The following COL14A1 variants were observed in gnomAD, a reference collection of about 807,000 sequenced individuals.
COL14A1 encodes collagen alpha-1(XIV) chain.
A neutral mutation model predicts 230.3 loss-of-function variants in COL14A1; 136 were observed. The ratio of observed to expected loss-of-function variants is 0.59; its 90% CI spans 0.51 to 0.68. The LOEUF is 0.68. COL14A1 is among the 30% of genes least tolerant of loss of function. The probability of loss-of-function intolerance (pLI) is 0.00; values close to 1 mark genes in which losing one functional copy is unlikely to be tolerated. For synonymous variants in COL14A1, 792 were observed against 784.1 expected (o/e 1.01, Z -0.17); for missense variants, 1,976 against 2,215.8 (o/e 0.89, Z 2.17).
At chr8:120,190,269 T>C (rs1277377076) in intron 5 of COL14A1, among the ~76,000 whole-genome samples, 1 of 152,228 alleles carries the variant, frequency 6.6e-6, no homozygotes, top group Non-Finnish European at 1.5e-5. Flanking sequence ...GGTTTTTGGC[T>C]GCATAAATGT....
intron 40 of COL14A1, among the ~76,000 whole-genome samples, chr8:120,326,689 T>C (rs1410890711): frequency 6.6e-6 from 1 of 152,160 alleles, no homozygotes; most frequent in Non-Finnish European, 1.5e-5. Context: ...AAAATTTTCA[T>C]TTGAGATAAA....
At chr8:120,219,383 A>T (rs1468789762) in intron 14 of COL14A1, among the ~76,000 whole-genome samples, 1 of 152,158 alleles carries the variant, frequency 6.6e-6, no homozygotes, top group Non-Finnish European at 1.5e-5. Flanking sequence ...GAATTATAGG[A>T]GTGAGGCACT....
intron 12 of COL14A1, among the ~76,000 whole-genome samples, chr8:120,212,192 C>A (rs1817632444): frequency 6.6e-6 from 1 of 152,164 alleles, no homozygotes. Flanking sequence ...GCTGGAGTTG[C>A]CATTTGTCCA....
Position 120,263,017 on chromosome 8 carries a change from A to G in COL14A1, c.3016+3A>G, listed in dbSNP as rs1819388719. 1.2e-6 allele frequency: 2 copies of G among 1,602,554 alleles called. No homozygotes were observed. The highest frequency in any genetic ancestry group is 1.7e-6 in the Non-Finnish European group (2 of 1,176,046). Reference sequence around the variant, plus strand: ...TGTGAGCATAATGGAAAAAACACGTAAGTCATGTGTGTTCTCTCCTGATCC... The same window carrying G: ...TGTGAGCATAATGGAAAAAACACGTGAGTCATGTGTGTTCTCTCCTGATCC... On this transcript the variant is annotated splice_donor_region_variant and intron_variant, in intron 24 of 47. Coordinates refer to ENST00000297848, the MANE Select transcript of COL14A1 (RefSeq NM_021110.4).
At chr8:120,228,854 AC>A (rs1818172209) in intron 18 of COL14A1, 85 bp downstream of exon 18, 4 of 1,211,516 alleles carry the variant, frequency 3.3e-6, no homozygotes, top group Middle Eastern at 2.2e-4. Context: ...TTTATTATTA[AC>A]TAGGAAAAGA....
At chr8:120,182,716 A>G in intron 5 of COL14A1, among the ~76,000 whole-genome samples, 1 of 127,822 alleles carries the variant, frequency 7.8e-6, no homozygotes, top group East Asian at 2.2e-4. Context: ...AATTTTTTTT[A>G]TTTTTCTTCG....
intron 14 of COL14A1, among the ~76,000 whole-genome samples, chr8:120,221,992 A>C (rs1166993696): frequency 9.6e-6 from 1 of 104,052 alleles, no homozygotes; most frequent in Non-Finnish European, 1.9e-5. Flanking sequence ...ACATTTTTTT[A>C]ACATGGGTTG....
At chr8:120,200,743 ATATATATATATATATATATATATT>A (rs1817218310) in intron 8 of COL14A1, among the ~76,000 whole-genome samples, 1 of 71,854 alleles carries the variant, frequency 1.4e-5, no homozygotes, top group Admixed American at 1.9e-4. Context: ...ATATATATAT[ATATATATATATATATATATATATT>A]ATTTTTCATC....
intron 5 of COL14A1, among the ~76,000 whole-genome samples, chr8:120,179,271 A>T (rs1793906255): frequency 2.0e-5 from 3 of 152,308 alleles, no homozygotes; most frequent in Admixed American, 1.3e-4. Flanking sequence ...AGATGACATG[A>T]TTATTTATTT....
chr8:120,218,162 AATATAAATAT>A (rs1489393215), intron 14 of COL14A1, among the ~76,000 whole-genome samples: 31 of 135,836 alleles, frequency 2.3e-4, no homozygotes, highest in African/African-American at 8.3e-4. Context: ...TAAATATATA[AATATAAATAT>A]ATATAAATAT....
chr8:120,195,135 C>A (rs1311728921), intron 5 of COL14A1, among the ~76,000 whole-genome samples: 6 of 152,144 alleles, frequency 3.9e-5, no homozygotes, highest in Non-Finnish European at 7.3e-5. Context: ...ATCTAGGTAT[C>A]CCATGAATAT....
In COL14A1 at chr8:120,320,412, C is replaced by T. The variant is rs185609201; in HGVS notation, c.4659+4415C>T. Among the ~76,000 whole-genome samples the T allele has an allele frequency of 2.0e-4, 30 of 152,140 alleles. No homozygotes were observed. In the East Asian group the frequency reaches 3.9e-3, roughly 20 times the overall value. Reference sequence around the variant, plus strand: ...ATTTTTTTTCTTGGATTTCACCTCACAAGGACACCAGAAGCATGCTTCTAG... The same window carrying T: ...ATTTTTTTTCTTGGATTTCACCTCATAAGGACACCAGAAGCATGCTTCTAG... On this transcript the variant is annotated intron_variant, in intron 40 of 47. Transcript: ENST00000297848.
At chr8:120,192,883 G>A (rs577595221) in intron 5 of COL14A1, among the ~76,000 whole-genome samples, 1 of 152,076 alleles carries the variant, frequency 6.6e-6, no homozygotes, top group Non-Finnish European at 1.5e-5. Context: ...TCGAGCCTTG[G>A]CTTTTAGCTC....
At chr8:120,211,045 A>G (rs567150883) in intron 12 of COL14A1, among the ~76,000 whole-genome samples, 335 of 152,330 alleles carry the variant, frequency 2.2e-3, no homozygotes, top group Non-Finnish European at 3.9e-3. Flanking sequence ...CTGTGTATTC[A>G]TAAGCACACA....
In COL14A1 at chr8:120,250,917, C is replaced by T. The variant is rs1229737099; in HGVS notation, c.2752+151C>T. On this transcript the variant is annotated intron_variant, in intron 22 of 47. Coordinates refer to ENST00000297848, the MANE Select transcript of COL14A1 (RefSeq NM_021110.4). ...CCGCCTCCAGGGTTCAAGTGATTCT[C>T]CTGCCTCAGCCTCTCGAGTAGCTGG... The T allele has an allele frequency of 5.0e-6, 4 of 803,360 alleles. No individual in the cohort carries two copies. The African/African-American group carries it at 7.0e-5, about 14-fold the overall frequency. 49.8% of individuals were successfully genotyped at this position (803,360 alleles called of 1,614,324 possible).
At chr8:120,165,824 A>G (rs1266943048) in intron 4 of COL14A1, among the ~76,000 whole-genome samples, 2 of 152,222 alleles carry the variant, frequency 1.3e-5, no homozygotes, top group Non-Finnish European at 2.9e-5. Flanking sequence ...TGGGAGTTAC[A>G]TGGTATGCCT....
chr8:120,349,158 G>T (rs1368802126), intron 45 of COL14A1, among the ~76,000 whole-genome samples: 2 of 152,010 alleles, frequency 1.3e-5, no homozygotes, highest in African/African-American at 2.4e-5. Context: ...TATTCCAACA[G>T]ACCTGCAGCT....
intron 34 of COL14A1, among the ~76,000 whole-genome samples, chr8:120,296,954 G>A (rs1019899695): frequency 5.3e-5 from 8 of 152,094 alleles, no homozygotes; most frequent in South Asian, 4.1e-4. Context: ...TTTAAAAAAT[G>A]TTTGTATCCT....
In COL14A1 at chr8:120,289,735, G is replaced by A. The variant is rs759640069; in HGVS notation, c.4205G>A (p.Arg1402Gln). 144 of 1,613,746 alleles carry A rather than the reference G, an allele frequency of 8.9e-5. No individual in the cohort carries two copies. In the Middle Eastern group the frequency reaches 1.8e-3, roughly 20 times the overall value. Residue 1402 changes from arginine to glutamine, a missense_variant, in exon 34 of 48, where the codon CGA becomes CAA. Arg to Gln is a conservative substitution (Grantham distance 43, BLOSUM62 1). Coordinates refer to ENST00000297848, the MANE Select transcript of COL14A1 (RefSeq NM_021110.4). ...GTAGAAGTGCTAGGGAAAATGGTTC[G>A]ATCAAGAGGACCAGGTGGAAACTCT... ...DGVEVLGKMV[R>Q]SRGPGGNSAP...
Sources: allele counts gnomAD v4.1 joint callset (sites outside exome capture counted in the v4.1 genomes callset), GRCh38; gene constraint gnomAD v4.1.1; transcripts MANE v1.5; gene names NCBI Gene and HGNC (gene_info 2026-07-23, HGNC 2026-07-21).